Variants in ALCAM observed in about 807,000 individuals in gnomAD.
ALCAM encodes the protein activated leukocyte cell adhesion molecule.
In ALCAM, 30 loss-of-function variants were observed where a neutral mutation model predicts 70.9. The observed-to-expected ratio is 0.42, with a 90% CI of 0.32 to 0.57. The LOEUF (loss-of-function observed/expected upper bound fraction) is 0.57, where lower values mean the gene tolerates loss of function less well. Among genes scored for constraint, ALCAM ranks in the 20% least tolerant of loss-of-function variants. The pLI is 0.11. For synonymous variants in ALCAM, 249 were observed against 242.5 expected, an observed-to-expected ratio of 1.03 and a Z score of -0.25; for missense variants, 591 against 695.1, an observed-to-expected ratio of 0.85 and a Z score of 1.68.
chr3:105,523,474 T>A (rs1939608175), intron 2 of ALCAM, among the ~76,000 whole-genome samples: 1 of 152,236 alleles, frequency 6.6e-6, no homozygotes, highest in Non-Finnish European at 1.5e-5. Flanking sequence ...CTATAACATA[T>A]ATCACATTTA....
chr3:105,548,237 G>A lies in ALCAM; in HGVS notation c.1374+714G>A, dbSNP rs147866302. 4.0e-3 allele frequency among the ~76,000 whole-genome samples: 612 copies of A among 151,408 alleles called. 3 individuals are homozygous for A. Among genetic ancestry groups the A allele is most frequent in the South Asian group, 5.8e-3 (28 of 4,806 alleles). On this transcript the variant is annotated intron_variant, in intron 11 of 15. Transcript: ENST00000306107. ...CCCCTTAAAGGAAAAATGAGAATCTGGCCTACCACTAGGGATTCAGAACTG... is the reference window on the plus strand; with the variant it reads ...CCCCTTAAAGGAAAAATGAGAATCTAGCCTACCACTAGGGATTCAGAACTG...
At chr3:105,506,117 A>G (rs1939068103) in intron 1 of ALCAM, among the ~76,000 whole-genome samples, 1 of 152,100 alleles carries the variant, frequency 6.6e-6, no homozygotes, top group Non-Finnish European at 1.5e-5. Flanking sequence ...TACATAACAA[A>G]CTCTCTAAAA....
intron 1 of ALCAM, among the ~76,000 whole-genome samples, chr3:105,412,893 G>A (rs926407444): frequency 2.0e-5 from 3 of 151,988 alleles, no homozygotes; most frequent in Non-Finnish European, 4.4e-5. Context: ...TTCTCTCAAG[G>A]AAAGATTTTA....
At chr3:105,502,606 T>C (rs1397586899) in intron 1 of ALCAM, among the ~76,000 whole-genome samples, 1 of 152,232 alleles carries the variant, frequency 6.6e-6, no homozygotes, top group Non-Finnish European at 1.5e-5. Context: ...TTTGTACAGC[T>C]GGGAAAGAAA....
At chr3:105,387,436 AC>A (rs751281045) in intron 1 of ALCAM, among the ~76,000 whole-genome samples, 2 of 151,560 alleles carry the variant, frequency 1.3e-5, no homozygotes, top group Non-Finnish European at 3.0e-5. Context: ...AAAAAAAAAA[AC>A]ATTGATTCTC....
chr3:105,425,948 A>G (rs142796341), intron 1 of ALCAM, among the ~76,000 whole-genome samples: 107 of 151,942 alleles, frequency 7.0e-4, no homozygotes, highest in African/African-American at 2.4e-3. Context: ...AGATGCTTAC[A>G]TGATTTCATG....
chr3:105,480,065 C>A (rs1044734897), intron 1 of ALCAM, among the ~76,000 whole-genome samples: 1 of 152,120 alleles, frequency 6.6e-6, no homozygotes, highest in African/African-American at 2.4e-5. Flanking sequence ...CCCCAAAAAA[C>A]ACACAGTTGA....
At chr3:105,405,593 A>C (rs760481933) in intron 1 of ALCAM, among the ~76,000 whole-genome samples, 8 of 152,222 alleles carry the variant, frequency 5.3e-5, no homozygotes, top group Non-Finnish European at 7.3e-5. Context: ...CAACAACTGC[A>C]GAATATACAT....
chr3:105,396,116 T>A (rs2107362046), intron 1 of ALCAM, among the ~76,000 whole-genome samples: 1 of 152,094 alleles, frequency 6.6e-6, no homozygotes, highest in Middle Eastern at 3.4e-3. Context: ...ACTATAGCAT[T>A]TTTTGCTTAA....
intron 14 of ALCAM, among the ~76,000 whole-genome samples, chr3:105,562,847 C>A (rs570802568): frequency 6.6e-5 from 10 of 151,854 alleles, no homozygotes; most frequent in Non-Finnish European, 1.5e-4. Flanking sequence ...CTCTTGTTGC[C>A]CAGGCTGGAG....
At chr3:105,387,627 A>G (rs1935692610) in intron 1 of ALCAM, among the ~76,000 whole-genome samples, 1 of 151,616 alleles carries the variant, frequency 6.6e-6, no homozygotes, top group Non-Finnish European at 1.5e-5. Context: ...TTGGTTCATC[A>G]TTGTTGAATC....
chr3:105,524,347 T>A lies in ALCAM; in HGVS notation c.233T>A (p.Val78Glu). ...IAFRSSTKKS[V>E]QYDDVPEYKD... is the part of the protein sequence containing the mutation. ...TTCAGATCCTCTACAAAGAAAAGTG[T>A]GCAGTACGACGATGTACCAGAATAC... is the stretch of plus-strand genomic sequence containing the variant. Residue 78 changes from valine to glutamate, a missense_variant, in exon 3 of 16, where the codon GTG (valine) becomes GAG (glutamate). Physicochemically the swap from Val to Glu is moderately radical, Grantham distance 121. Coordinates refer to ENST00000306107, the MANE Select transcript of ALCAM (RefSeq NM_001627.4). The A allele has an allele frequency of 6.2e-7, 1 of 1,614,148 alleles. No individual in the cohort carries two copies. The highest frequency in any genetic ancestry group is 8.5e-7 in the Non-Finnish European group (1 of 1,180,006).
chr3:105,536,313 C>G (rs13077395), intron 6 of ALCAM, among the ~76,000 whole-genome samples: 10,393 of 152,046 alleles, frequency 0.068, 423 homozygotes, highest in African/African-American at 0.1. Context: ...AGGTTGGTCT[C>G]GAACTCCTGA....
At chr3:105,535,494 G>A (rs1939948228) in intron 6 of ALCAM, among the ~76,000 whole-genome samples, 1 of 152,014 alleles carries the variant, frequency 6.6e-6, no homozygotes, top group Non-Finnish European at 1.5e-5. Flanking sequence ...TCTAGTCCCA[G>A]CATTATCAAT....
intron 14 of ALCAM, among the ~76,000 whole-genome samples, chr3:105,562,098 C>T (rs915279757): frequency 1.8e-4 from 27 of 152,200 alleles, no homozygotes; most frequent in Admixed American, 1.3e-3. Flanking sequence ...ATACCCCACC[C>T]TAAGACTGAC....
chr3:105,531,487 T>C (rs928405876), intron 3 of ALCAM: 1 of 150,548 alleles, frequency 6.6e-6, no homozygotes, highest in Non-Finnish European at 1.5e-5. Context: ...TGACTGAGAA[T>C]CCCCTAGAAA....
chr3:105,574,079 C>T (rs552638026), intron 15 of ALCAM, among the ~76,000 whole-genome samples: 1 of 152,130 alleles, frequency 6.6e-6, no homozygotes, highest in Admixed American at 6.5e-5. Context: ...TTTCCCCAGT[C>T]CTTTGTAAAC....
At chr3:105,488,727 GA>G (rs1160226835) in intron 1 of ALCAM, among the ~76,000 whole-genome samples, 1 of 147,556 alleles carries the variant, frequency 6.8e-6, no homozygotes, top group African/African-American at 2.5e-5. Context: ...AAGGGAGGGA[GA>G]AGGAGGGAGG....
intron 3 of ALCAM, among the ~76,000 whole-genome samples, chr3:105,525,755 G>A (rs193069304): frequency 6.6e-6 from 1 of 152,280 alleles, no homozygotes; most frequent in African/African-American, 2.4e-5. Flanking sequence ...GGAAACCTTT[G>A]TTCCCTAGAA....
Sources: gnomAD v4.1 joint callset for allele counts (sites outside exome capture counted in the v4.1 genomes callset) on GRCh38, gnomAD v4.1.1 for gene constraint, MANE v1.5 for transcripts, NCBI Gene and HGNC (gene_info 2026-07-23, HGNC 2026-07-21) for gene names.